MYLK3: variants seen among roughly 807,000 people sequenced by gnomAD.
MYLK3 encodes myosin light chain kinase 3.
A neutral mutation model predicts 76.3 loss-of-function variants in MYLK3; 55 were observed. That is an observed-to-expected ratio of 0.72 (90% CI 0.58 to 0.90). MYLK3 has a LOEUF of 0.90. Ranked by LOEUF, MYLK3 falls within the 40% of genes least tolerant of loss-of-function variation. The pLI is 0.00. For synonymous variants in MYLK3, 416 were observed against 425.4 expected, an observed-to-expected ratio of 0.98 and a Z score of 0.27; for missense variants, 973 against 1,053.6, an observed-to-expected ratio of 0.92 and a Z score of 1.06.
chr16:46,712,502 A>G (rs1966694363), intron 10 of MYLK3, 146 bp downstream of exon 10: 2 of 602,450 alleles, frequency 3.3e-6, no homozygotes, highest in South Asian at 5.4e-5. Flanking sequence ...TTCCTTCCCC[A>G]TCTCACTACC....
Position 46,737,868 on chromosome 16 carries a change from G to C in MYLK3, c.844C>G (p.Pro282Ala), listed in dbSNP as rs1966877592. The C allele has an allele frequency of 4.3e-6, 7 of 1,614,002 alleles. No individual in the cohort carries two copies. The East Asian group carries it at 1.1e-4, about 26-fold the overall frequency. The change falls in exon 3 of 13, where the codon CCA becomes GCA. Residue 282 changes from proline to alanine, a missense_variant. By Grantham distance (27) the Pro-to-Ala change is conservative. Around this residue, in one of 2 missense-constraint regions of MYLK3, gnomAD observed 641 missense variants for 637.0 expected, o/e 1.01. Transcript: ENST00000394809. ...NVVSPSLEVAPGAGQGASSSR... is the reference protein window; with the variant it reads ...NVVSPSLEVAAGAGQGASSSR... ...GACGATGCTCCTTGTCCTGCACCTG[G>C]TGCAACCTCCAGGCTCGGGGAGACC...
At chr16:46,736,175 G>A (rs768703508) in intron 3 of MYLK3, among the ~76,000 whole-genome samples, 1 of 152,046 alleles carries the variant, frequency 6.6e-6, no homozygotes, top group Non-Finnish European at 1.5e-5. Context: ...CCATGCCCAC[G>A]GTAGCCCAGC....
intron 5 of MYLK3, 132 bp from the exon 6 acceptor site, chr16:46,729,819 A>G (rs528249438): frequency 1.3e-6 from 1 of 749,468 alleles, no homozygotes; most frequent in Non-Finnish European, 2.2e-6. Flanking sequence ...GCAGCCTGTC[A>G]TCACCCCAAA....
intron 1 of MYLK3, among the ~76,000 whole-genome samples, chr16:46,755,910 T>TC (rs1253251222): frequency 2.1e-5 from 2 of 93,694 alleles, no homozygotes; most frequent in Admixed American, 9.7e-5. Context: ...TTCTTTCTTT[T>TC]TTTTTTTTTT....
At position 46,748,285 on chromosome 16, in the gene MYLK3, T is replaced by C. The variant is rs958519041; in HGVS notation, c.-92A>G. On this transcript the variant is annotated 5_prime_UTR_variant, in exon 1 of 13. Coordinates refer to ENST00000394809, the MANE Select transcript of MYLK3 (RefSeq NM_182493.3). This position sits in a 1 kb window ranked among gnomAD's most constrained non-coding sequence, Gnocchi z 4.3. ...CAGGCGGTGGTGTCTGCAAGGTCAT[T>C]GTCCTCCGTAGCTGACAGACTCCTG... 9 of 1,479,322 alleles carry C rather than the reference T, an allele frequency of 6.1e-6. No homozygotes were observed. The highest frequency in any genetic ancestry group is 5.6e-5 in the African/African-American group (4 of 71,442). 91.6% of individuals were successfully genotyped at this position (1,479,322 alleles called of 1,614,324 possible).
In MYLK3 at chr16:46,729,128, G is replaced by A. The variant is rs752038054; in HGVS notation, c.1668C>T (p.Asp556=). 2.5e-5 allele frequency: 40 copies of A among 1,613,336 alleles called. No individual in the cohort carries two copies. Among genetic ancestry groups the A allele is most frequent in the East Asian group, 4.5e-5 (2 of 44,878 alleles). Residue 556 remains aspartate (D), a synonymous_variant, in exon 7 of 13, where the codon GAC becomes GAT. Transcript: ENST00000394809. ...IKVKSAKDRE[D]VKNEINIMNQ... is the part of the protein sequence containing the mutation. ...TCATGATGTTGATCTCGTTCTTCAC[G>A]TCCTCCTTGGGGGAACCAGAGGACA... is the stretch of plus-strand genomic sequence containing the variant.
Position 46,707,751 on chromosome 16 carries a change from C to T in MYLK3, c.2413G>A (p.Val805Met), listed in dbSNP as rs775831910. ...CTTAACCTGTTGGCAGCAGTCACCA[C>T]ATAGAAATGTTTCTTGAGGCAAGGA... ...AQRKWKKHFY[V>M]VTAANRLRKF... Residue 805 changes from valine (V) to methionine (M), a missense_variant, in exon 13 of 13, where the codon GTG becomes ATG. Physicochemically the swap from Val to Met is conservative, Grantham distance 21. This residue lies in a region of MYLK3 where 332 missense variants were observed against 416.6 expected (regional missense o/e 0.80). Coordinates refer to ENST00000394809, the MANE Select transcript of MYLK3 (RefSeq NM_182493.3). 1.9e-5 allele frequency: 30 copies of T among 1,612,080 alleles called. No homozygotes were observed. The Admixed American group carries it at 4.5e-4, about 24-fold the overall frequency.
intron 1 of MYLK3, among the ~76,000 whole-genome samples, chr16:46,755,158 C>A (rs1473533473): frequency 2.6e-5 from 4 of 152,024 alleles, no homozygotes; most frequent in Non-Finnish European, 4.4e-5. Flanking sequence ...CTCAGCCTAC[C>A]AAAGTGCTGG....
chr16:46,748,887 C>T (rs1315171089), upstream of MYLK3, among the ~76,000 whole-genome samples: 1 of 152,176 alleles, frequency 6.6e-6, no homozygotes, highest in Non-Finnish European at 1.5e-5. This position sits in a 1 kb window ranked among gnomAD's most constrained non-coding sequence, Gnocchi z 4.3. Flanking sequence ...GTGACTAGTC[C>T]CTTGTACCTA....
In MYLK3 at chr16:46,732,218, G is replaced by A. The variant is rs772931546; in HGVS notation, c.1452C>T (p.Ser484=). ...RRMPPGAEAG[S]VVLDDSPAPP... is the part of the protein sequence containing the mutation. ...AACAGCCCCACTTACCCAGAACCAC[G>A]CTGCCAGCCTCGGCGCCTGGGGGCA... Residue 484 remains serine, a synonymous_variant, in exon 4 of 13, where the codon AGC becomes AGT. Transcript: ENST00000394809. 14 of 1,583,634 alleles carry A rather than the reference G, an allele frequency of 8.8e-6. No homozygotes were observed. The highest frequency in any genetic ancestry group is 1.7e-4 in the Middle Eastern group (1 of 6,002).
chr16:46,723,943 C>A (rs555881616), intron 8 of MYLK3, among the ~76,000 whole-genome samples: 1 of 152,306 alleles, frequency 6.6e-6, no homozygotes, highest in African/African-American at 2.4e-5. Flanking sequence ...GCCACCGTGC[C>A]CAGACTTTAA....
chr16:46,747,982 C>G lies in MYLK3; in HGVS notation c.212G>C (p.Arg71Pro). 6.2e-7 allele frequency: 1 copy of G among 1,613,252 alleles called. No individual in the cohort carries two copies. Among genetic ancestry groups the G allele is most frequent in the Non-Finnish European group, 8.5e-7 (1 of 1,179,900 alleles). ...ATCAGCCCCGCCCGGGCCCGGTGCCCGGGAGGCCTCCAGCCTGTGCAGGCC... is the reference window on the plus strand; with the variant it reads ...ATCAGCCCCGCCCGGGCCCGGTGCCGGGGAGGCCTCCAGCCTGTGCAGGCC... Reference protein sequence around the residue: ...ERGLHRLEASRAPGPGGADGV... With the variant: ...ERGLHRLEASPAPGPGGADGV... The change falls in exon 1 of 13, where the codon CGG (arginine) becomes CCG (proline). Residue 71 changes from arginine (R) to proline (P), a missense_variant. This residue lies in a region of MYLK3 where 641 missense variants were observed against 637.0 expected (regional missense o/e 1.01). Transcript: ENST00000394809.
chr16:46,732,300 T>C lies in MYLK3; in HGVS notation c.1370A>G (p.Glu457Gly). ...CCTGGCTGCACAGTCCTGCTCAGGC[T>C]CAGGGTTTCCCGCCCCTGGGCTTTT... ...QGKSPGAGNP[E>G]PEQDCAARAP... is the part of the protein sequence containing the mutation. The change falls in exon 4 of 13, where the codon GAG becomes GGG. Residue 457 changes from glutamate to glycine, a missense_variant. By Grantham distance (98) the Glu-to-Gly change is moderately conservative (BLOSUM62 -2). Transcript: ENST00000394809. The C allele has an allele frequency of 6.2e-7, 1 of 1,610,554 alleles. No individual in the cohort carries two copies. The highest frequency in any genetic ancestry group is 8.5e-7 in the Non-Finnish European group (1 of 1,180,014).
chr16:46,718,825 G>T (rs1254438993), intron 9 of MYLK3, among the ~76,000 whole-genome samples: 3 of 151,844 alleles, frequency 2.0e-5, no homozygotes, highest in Admixed American at 2.0e-4. Flanking sequence ...AATTAGCCAG[G>T]CGTGGTGGCA....
intron 8 of MYLK3, 135 bp downstream of exon 8, chr16:46,727,101 G>C (rs921668584): frequency 1.0e-6 from 1 of 966,824 alleles, no homozygotes; most frequent in African/African-American, 1.6e-5. Context: ...GCCTGTCCCA[G>C]ACTCCAGAAC....
chr16:46,730,787 G>A, intron 4 of MYLK3, 89 bp from the exon 5 acceptor site: 2 of 1,093,416 alleles, frequency 1.8e-6, no homozygotes, highest in Non-Finnish European at 1.4e-6. Context: ...AGCTTCTCTT[G>A]GTCCACCAGG....
At chr16:46,752,147 C>T (rs1967134279), upstream of MYLK3, among the ~76,000 whole-genome samples, 1 of 152,190 alleles carries the variant, frequency 6.6e-6, no homozygotes. Flanking sequence ...CCAGCACGCA[C>T]CAGGCCCCAA....
chr16:46,711,570 G>T (rs981061910), intron 10 of MYLK3: 26 of 370,534 alleles, frequency 7.0e-5, no homozygotes, highest in Admixed American at 3.3e-4. Flanking sequence ...GAGTGCTATG[G>T]TGCAATCATA....
rs1967163130 is a variant in MYLK3, at chr16:46,753,889, G to T, written c.-114+9151C>A. On this transcript the variant is annotated intron_variant, in intron 1 of 11. Transcript: ENST00000536476. Reference sequence around the variant, plus strand: ...GTTTGTGCCACTGCACTCCAACCAGGGTGACAGGACGAGACCCTGTCTCAA... The same window carrying T: ...GTTTGTGCCACTGCACTCCAACCAGTGTGACAGGACGAGACCCTGTCTCAA... Among the ~76,000 whole-genome samples, 3 of 152,268 alleles carry T rather than the reference G, an allele frequency of 2.0e-5. No homozygotes were observed. The South Asian group carries it at 6.2e-4, about 32-fold the overall frequency.
Sources: allele counts gnomAD v4.1 joint callset (sites outside exome capture counted in the v4.1 genomes callset), GRCh38; gene constraint gnomAD v4.1.1; regional missense constraint gnomAD v4.1.1; non-coding constraint Gnocchi (gnomAD v3.1); transcripts MANE v1.5; gene names NCBI Gene and HGNC (gene_info 2026-07-23, HGNC 2026-07-21).